The following FILIP1 variants were observed in gnomAD, a reference collection of about 807,000 sequenced individuals.
FILIP1 encodes filamin-A-interacting protein 1.
FILIP1 carries 61 observed loss-of-function variants against 102.1 expected under a neutral mutation model. The ratio of observed to expected loss-of-function variants is 0.60; its 90% CI spans 0.49 to 0.74. The LOEUF (loss-of-function observed/expected upper bound fraction) is 0.74. Among genes scored for constraint, FILIP1 ranks in the 30% least tolerant of loss-of-function variants. The pLI, the probability that FILIP1 is intolerant of heterozygous loss-of-function variation, is 0.00. For synonymous variants in FILIP1, 491 were observed against 526.9 expected (o/e 0.93, Z 0.93); for missense variants, 1,314 against 1,441.2 (o/e 0.91, Z 1.43).
At chr6:75,469,273 T>C (rs1779264793) in intron 1 of FILIP1, among the ~76,000 whole-genome samples, 1 of 152,066 alleles carries the variant, frequency 6.6e-6, no homozygotes, top group Non-Finnish European at 1.5e-5. Flanking sequence ...TTAATAAATG[T>C]AGAGAGACAC....
chr6:75,438,072 T>A (rs1274773445), intron 1 of FILIP1, among the ~76,000 whole-genome samples: 3 of 152,214 alleles, frequency 2.0e-5, no homozygotes, highest in African/African-American at 7.2e-5. Flanking sequence ...TGTGGCACAG[T>A]GACAGTTGAA....
chr6:75,316,901 G>A (rs1773466468), intron 4 of FILIP1, among the ~76,000 whole-genome samples: 1 of 152,140 alleles, frequency 6.6e-6, no homozygotes, highest in Non-Finnish European at 1.5e-5. Flanking sequence ...GATTAGGGGA[G>A]AAACTTTTCA....
intron 4 of FILIP1, among the ~76,000 whole-genome samples, chr6:75,341,130 ATTGGGAGAC>A (rs1405046416): frequency 2.7e-5 from 4 of 148,512 alleles, no homozygotes; most frequent in Non-Finnish European, 5.9e-5. Flanking sequence ...GTGAATTAAT[ATTGGGAGAC>A]TTGAGGGTTT....
chr6:75,359,000 G>A (rs772807386), intron 3 of FILIP1, among the ~76,000 whole-genome samples: 7 of 145,514 alleles, frequency 4.8e-5, no homozygotes, highest in Admixed American at 2.1e-4. Context: ...GAGCCACTGC[G>A]CCCAGCCCTT....
intron 3 of FILIP1, among the ~76,000 whole-genome samples, chr6:75,359,594 T>C (rs1775113082): frequency 6.6e-6 from 1 of 152,164 alleles, no homozygotes; most frequent in African/African-American, 2.4e-5. Flanking sequence ...TGGAAGGCAA[T>C]ATTAGAAAAA....
rs1318476589 is a variant in FILIP1 at position 75,313,840 on chromosome 6, T to G, written c.1992A>C (p.Glu664Asp). 1 of 1,614,136 alleles carries G rather than the reference T, an allele frequency of 6.2e-7. No homozygotes were observed. The highest frequency in any genetic ancestry group is 8.5e-7 in the Non-Finnish European group (1 of 1,180,016). Reference sequence around the variant, plus strand: ...TATCCTGCTCAGTTCTAAATTTCTGTTCCAGCTGATCATACTCATCTTCTG... The same window carrying G: ...TATCCTGCTCAGTTCTAAATTTCTGGTCCAGCTGATCATACTCATCTTCTG... The part of the protein sequence containing the change: ...MKTEDEYDQL[E>D]QKFRTEQDKA... Residue 664 changes from glutamate (E) to aspartate (D), a missense_variant, in exon 5 of 6, where the codon GAA becomes GAC. Around this residue, in one of 3 missense-constraint regions of FILIP1, gnomAD observed 816 missense variants for 913.1 expected, o/e 0.89. Transcript: ENST00000237172. The surrounding 1 kb of genome is among the most constrained non-coding windows in gnomAD (Gnocchi z 4.2).
chr6:75,484,602 T>C (rs1188263278), intron 1 of FILIP1, among the ~76,000 whole-genome samples: 4 of 152,204 alleles, frequency 2.6e-5, no homozygotes, highest in East Asian at 1.9e-4. Flanking sequence ...TCTGGGGGCA[T>C]AGCCCAGGCA....
At chr6:75,447,583 T>C (rs1778481054) in intron 1 of FILIP1, among the ~76,000 whole-genome samples, 1 of 152,132 alleles carries the variant, frequency 6.6e-6, no homozygotes, top group Admixed American at 6.5e-5. Flanking sequence ...GAAAGATAGA[T>C]GGAGGCTAGT....
chr6:75,452,658 G>T (rs1778674405), intron 1 of FILIP1, among the ~76,000 whole-genome samples: 1 of 152,118 alleles, frequency 6.6e-6, no homozygotes, highest in African/African-American at 2.4e-5. Context: ...CAGAAGATAA[G>T]AATTAGATAT....
chr6:75,354,589 A>C (rs1043549607), intron 3 of FILIP1, among the ~76,000 whole-genome samples: 2 of 151,780 alleles, frequency 1.3e-5, no homozygotes, highest in Admixed American at 6.6e-5. Flanking sequence ...AAAAAAAAAA[A>C]ACCTTTTAAC....
intron 1 of FILIP1, among the ~76,000 whole-genome samples, chr6:75,421,151 ACT>A (rs1477862971): frequency 3.3e-5 from 5 of 152,098 alleles, no homozygotes; most frequent in East Asian, 1.9e-4. Context: ...ATTTATTTCC[ACT>A]CTCTGCTGAA....
At chr6:75,340,526 A>C (rs6910422) in intron 4 of FILIP1, among the ~76,000 whole-genome samples, 1 of 152,192 alleles carries the variant, frequency 6.6e-6, no homozygotes, top group African/African-American at 2.4e-5. Context: ...TTATACCTAT[A>C]TAATCTATCT....
chr6:75,469,686 A>G (rs1304502845), intron 1 of FILIP1, among the ~76,000 whole-genome samples: 1 of 152,124 alleles, frequency 6.6e-6, no homozygotes, highest in African/African-American at 2.4e-5. Flanking sequence ...ATTTAAATCC[A>G]GCAATTAATT....
rs528581449 is a variant in FILIP1, at chr6:75,441,862, G to A, written c.-6-26884C>T. 2.1e-4 allele frequency among the ~76,000 whole-genome samples: 31 copies of A among 148,454 alleles called. 2 individuals are homozygous for A. The South Asian group carries it at 6.3e-3, about 30-fold the overall frequency. The stretch of plus-strand genomic sequence containing the variant: ...TGGCCCCCCCACCTCCCTCCCGGAC[G>A]GGGCAGCTGGCCGGGCGGGGGGTAG... On this transcript the variant is annotated intron_variant, in intron 1 of 5. Transcript: ENST00000237172.
At chr6:75,418,060 T>C (rs1016377993) in intron 1 of FILIP1, among the ~76,000 whole-genome samples, 1 of 152,214 alleles carries the variant, frequency 6.6e-6, no homozygotes, top group Non-Finnish European at 1.5e-5. Flanking sequence ...TAGCTGGGCA[T>C]GGTGGCGTGC....
chr6:75,347,953 T>C (rs192321217), intron 4 of FILIP1, among the ~76,000 whole-genome samples: 42 of 152,292 alleles, frequency 2.8e-4, no homozygotes, highest in African/African-American at 9.9e-4. Flanking sequence ...TGCAATATTA[T>C]ATGATGATGT....
At chr6:75,327,526 T>G (rs1022045318) in intron 4 of FILIP1, among the ~76,000 whole-genome samples, 7 of 149,334 alleles carry the variant, frequency 4.7e-5, no homozygotes, top group Non-Finnish European at 8.9e-5. Context: ...TAAGATTTTT[T>G]TGTGTGTGAA....
intron 2 of FILIP1, chr6:75,397,838 G>T (rs1003546539): frequency 6.6e-6 from 1 of 152,092 alleles, no homozygotes; most frequent in Admixed American, 6.6e-5. Context: ...TAGAACCATA[G>T]ACTTGCAAAT....
intron 2 of FILIP1, among the ~76,000 whole-genome samples, chr6:75,373,165 G>C (rs190521710): frequency 6.6e-6 from 1 of 152,294 alleles, no homozygotes; most frequent in Non-Finnish European, 1.5e-5. Context: ...GTTATACTAA[G>C]TATAACAAGT....
Sources: gnomAD v4.1 joint callset for allele counts (sites outside exome capture counted in the v4.1 genomes callset) on GRCh38, gnomAD v4.1.1 for gene constraint, gnomAD v4.1.1 regional missense constraint, Gnocchi (gnomAD v3.1) non-coding constraint, MANE v1.5 for transcripts, NCBI Gene and HGNC (gene_info 2026-07-23, HGNC 2026-07-21) for gene names.